Variants in HSPA12A observed in about 807,000 individuals in gnomAD.
The protein encoded by HSPA12A is heat shock 70 kDa protein 12A.
A neutral mutation model predicts 69.2 loss-of-function variants in HSPA12A; 28 were observed. The observed-to-expected ratio is 0.40, with a 90% CI of 0.30 to 0.55. The LOEUF (loss-of-function observed/expected upper bound fraction) is 0.55, where lower values mean the gene tolerates loss of function less well. Among genes scored for constraint, HSPA12A ranks in the 20% least tolerant of loss-of-function variants. The probability of loss-of-function intolerance (pLI) is 0.38; values close to 1 mark genes in which losing one functional copy is unlikely to be tolerated. For missense variants in HSPA12A, 686 were observed against 900.7 expected (o/e 0.76, Z 3.05); for synonymous variants, 345 against 370.5 (o/e 0.93, Z 0.79).
At chr10:116,716,260 A>G (rs1850601422) in intron 1 of HSPA12A, among the ~76,000 whole-genome samples, 1 of 152,034 alleles carries the variant, frequency 6.6e-6, no homozygotes, top group Admixed American at 6.5e-5. Context: ...TGACATGCCC[A>G]TTTTGCTTTG....
At chr10:116,678,537 T>C (rs1396304737) in intron 10 of HSPA12A, among the ~76,000 whole-genome samples, 1 of 136,608 alleles carries the variant, frequency 7.3e-6, no homozygotes, top group Non-Finnish European at 1.5e-5. Context: ...TCGAGGGGCG[T>C]ATCAGATAGC....
At position 116,674,919 on chromosome 10, in the gene HSPA12A, C is replaced by T; in HGVS notation, c.1890G>A (p.Gly630=). The T allele has an allele frequency of 6.2e-7, 1 of 1,614,106 alleles. No individual in the cohort carries two copies. Among genetic ancestry groups the T allele is most frequent in the Non-Finnish European group, 8.5e-7 (1 of 1,180,030 alleles). The stretch of plus-strand genomic sequence containing the variant: ...GGGCGGGCACCGCAGTGCCACTGGT[C>T]CCTGTGAGATCCAGGCGGAGCGTGC... ...KCGTLRLDLT[G]TSGTAVPARR... The change falls in exon 12 of 12, where the codon GGG becomes GGA. Residue 630 remains glycine (G), a synonymous_variant. Transcript: ENST00000369209.
chr10:116,841,057 C>G (rs920822884), intron 1 of HSPA12A, among the ~76,000 whole-genome samples: 8 of 152,198 alleles, frequency 5.3e-5, no homozygotes, highest in Non-Finnish European at 1.0e-4. Flanking sequence ...GTGATGAGGG[C>G]AGACACCCAG....
At chr10:116,709,076 G>C (rs553241591) in intron 1 of HSPA12A, among the ~76,000 whole-genome samples, 1 of 152,264 alleles carries the variant, frequency 6.6e-6, no homozygotes, top group Non-Finnish European at 1.5e-5. Context: ...GACTCAAGGA[G>C]ATACTTATAT....
chr10:116,736,832 A>G (rs929518075), intron 1 of HSPA12A, among the ~76,000 whole-genome samples: 12 of 152,196 alleles, frequency 7.9e-5, no homozygotes, highest in African/African-American at 2.9e-4. Flanking sequence ...CCAGAAATGT[A>G]AGATAATAAA....
intron 2 of HSPA12A, among the ~76,000 whole-genome samples, chr10:116,762,188 C>T (rs1843987601): frequency 6.6e-6 from 1 of 152,182 alleles, no homozygotes; most frequent in African/African-American, 2.4e-5. Context: ...TCCTGTTGGT[C>T]ACCAGACCAT....
At chr10:116,777,140 T>C (rs1368763794) in intron 2 of HSPA12A, among the ~76,000 whole-genome samples, 1 of 152,038 alleles carries the variant, frequency 6.6e-6, no homozygotes, top group African/African-American at 2.4e-5. Flanking sequence ...ATGCGCCCCT[T>C]TTCTTCCCTG....
chr10:116,702,692 C>T (rs1210866099), intron 3 of HSPA12A, among the ~76,000 whole-genome samples: 2 of 151,848 alleles, frequency 1.3e-5, no homozygotes, highest in Admixed American at 1.3e-4. Context: ...AGAGAATGAC[C>T]CCATGAGCTT....
chr10:116,839,882 T>G (rs1589735354), intron 1 of HSPA12A, among the ~76,000 whole-genome samples: 1 of 151,692 alleles, frequency 6.6e-6, no homozygotes, highest in Non-Finnish European at 1.5e-5. Context: ...CCAGCCAGGG[T>G]CTAGTTTTGT....
chr10:116,733,644 G>A (rs1202037610), intron 1 of HSPA12A, among the ~76,000 whole-genome samples: 1 of 152,100 alleles, frequency 6.6e-6, no homozygotes, highest in Non-Finnish European at 1.5e-5. Flanking sequence ...GAACATAACT[G>A]ACAAAACTAC....
intron 2 of HSPA12A, among the ~76,000 whole-genome samples, chr10:116,773,308 G>GC (rs1844256040): frequency 6.6e-6 from 1 of 152,246 alleles, no homozygotes; most frequent in Non-Finnish European, 1.5e-5. Flanking sequence ...GTACATGGTA[G>GC]CACAGAAGAA....
At chr10:116,705,376 C>T (rs564408319) in intron 2 of HSPA12A, 98 bp from the exon 3 acceptor site, 65 of 1,354,862 alleles carry the variant, frequency 4.8e-5, no homozygotes, top group Non-Finnish European at 5.9e-5. Context: ...CTGTGAACCC[C>T]CTGCAGACAG....
intron 2 of HSPA12A, among the ~76,000 whole-genome samples, chr10:116,766,608 T>C (rs1844082211): frequency 6.6e-6 from 1 of 152,192 alleles, no homozygotes; most frequent in South Asian, 2.1e-4. Context: ...TCAGTGGTTT[T>C]AACTGCCTGG....
chr10:116,842,360 C>G (rs1049606983), intron 1 of HSPA12A, among the ~76,000 whole-genome samples: 6 of 152,054 alleles, frequency 3.9e-5, no homozygotes, highest in South Asian at 2.1e-4. Context: ...TTTGCTGCCC[C>G]CTATGTGGAA....
At position 116,764,083 on chromosome 10, in the gene HSPA12A, TC is replaced by T. The variant is rs567623541; in HGVS notation, c.92-56799del. On this transcript the variant is annotated intron_variant, in intron 2 of 12. Coordinates refer to the HSPA12A transcript ENST00000635765. ...TGCCAGGGCTGAGTCTCATGGGACC[TC>T]CCCTGCCTCCTCATGGGACCCTCTA... Among the ~76,000 whole-genome samples, 327 of 152,180 alleles carry T rather than the reference TC, an allele frequency of 2.1e-3. 2 individuals are homozygous for T. Among genetic ancestry groups the T allele is most frequent in the African/African-American group, 7.5e-3 (310 of 41,536 alleles).
chr10:116,790,067 C>T (rs1844667661), intron 2 of HSPA12A, among the ~76,000 whole-genome samples: 1 of 150,310 alleles, frequency 6.7e-6, no homozygotes, highest in Non-Finnish European at 1.5e-5. Flanking sequence ...GGAATCCCTG[C>T]ATGGTATGGA....
chr10:116,701,011 G>C lies in HSPA12A; in HGVS notation c.373C>G (p.Leu125Val). The part of the protein sequence containing the change: ...GYAARDFYHD[L>V]DPNEAKQWLY... ...CACTGCTTGGCCTCATTGGGATCCA[G>C]GTCATGGTAAAAGTCCCTGGCGGCA... is the stretch of plus-strand genomic sequence containing the variant. The change falls in exon 4 of 12, where the codon CTG (leucine) becomes GTG (valine). Residue 125 changes from leucine (L) to valine (V), a missense_variant. Leu to Val is a conservative substitution (Grantham distance 32). Transcript: ENST00000369209. 6.2e-7 allele frequency: 1 copy of C among 1,614,032 alleles called. No homozygotes were observed. Among genetic ancestry groups the C allele is most frequent in the Non-Finnish European group, 8.5e-7 (1 of 1,180,030 alleles).
At chr10:116,755,618 A>C (rs1261527907) in intron 2 of HSPA12A, among the ~76,000 whole-genome samples, 15 of 151,048 alleles carry the variant, frequency 9.9e-5, no homozygotes, top group Non-Finnish European at 1.9e-4. Flanking sequence ...TCAAAAAAAA[A>C]AAAAAAAAAA....
chr10:116,793,192 A>G (rs1844737121), intron 2 of HSPA12A, among the ~76,000 whole-genome samples: 1 of 152,262 alleles, frequency 6.6e-6, no homozygotes, highest in Non-Finnish European at 1.5e-5. Context: ...CCAAGTTTAA[A>G]GATCTAAAAT....
Sources: gnomAD v4.1 joint callset for allele counts (sites outside exome capture counted in the v4.1 genomes callset) on GRCh38, gnomAD v4.1.1 for gene constraint, MANE v1.5 for transcripts, NCBI Gene and HGNC (gene_info 2026-07-23, HGNC 2026-07-21) for gene names.